DNAH6: variants seen among roughly 807,000 people sequenced by gnomAD.
DNAH6 encodes axonemal beta dynein heavy chain 6.
DNAH6 carries 340 observed loss-of-function variants against 491.4 expected under a neutral mutation model. The ratio of observed to expected loss-of-function variants is 0.69; its 90% CI spans 0.63 to 0.76. The LOEUF (loss-of-function observed/expected upper bound fraction) is 0.76, where lower values mean the gene tolerates loss of function less well. Among genes scored for constraint, DNAH6 ranks in the 30% least tolerant of loss-of-function variants. The probability of loss-of-function intolerance (pLI) is 0.00; values close to 1 mark genes in which losing one functional copy is unlikely to be tolerated. For synonymous variants in DNAH6, 1,603 were observed against 1,686.1 expected, an observed-to-expected ratio of 0.95 and a Z score of 1.21; for missense variants, 4,443 against 4,972.2, an observed-to-expected ratio of 0.89 and a Z score of 3.20.
At chr2:84,507,979 T>C in the DNAH6 span, among the ~76,000 whole-genome samples, 445 of 152,382 alleles carry the variant, frequency 2.9e-3, 7 homozygotes, top group Admixed American at 0.023. Flanking sequence ...CAGTATTTCA[T>C]TGAGGATTTT....
rs1005036109 is a variant in DNAH6 at position 84,653,445 on chromosome 2, G to T, written c.5205G>T (p.Lys1735Asn). ...AGCCTGAGATGTGTATGGTTAGAAAGGTGATACAGTTTTATGAAACTATGC... is the reference window on the plus strand; with the variant it reads ...AGCCTGAGATGTGTATGGTTAGAAATGTGATACAGTTTTATGAAACTATGC... ...NLQPEMCMVRKVIQFYETMLV... is the reference protein window; with the variant it reads ...NLQPEMCMVRNVIQFYETMLV... Residue 1735 changes from lysine (K) to asparagine (N), a missense_variant, in exon 34 of 77, where the codon AAG becomes AAT. Transcript: ENST00000389394. 5.2e-6 allele frequency: 8 copies of T among 1,551,096 alleles called. No homozygotes were observed. The highest frequency in any genetic ancestry group is 2.7e-5 in the African/African-American group (2 of 73,002).
chr2:84,579,211 C>A (rs1682773968), intron 13 of DNAH6, among the ~76,000 whole-genome samples: 1 of 152,196 alleles, frequency 6.6e-6, no homozygotes, highest in Non-Finnish European at 1.5e-5. Flanking sequence ...TAGCGCCCAA[C>A]ATGAAAGGAG....
chr2:84,671,989 C>T (rs554411265), intron 39 of DNAH6, among the ~76,000 whole-genome samples: 68 of 152,344 alleles, frequency 4.5e-4, no homozygotes, highest in African/African-American at 1.6e-3. Flanking sequence ...TGATGTTCCT[C>T]ATTCATGCCT....
intron 64 of DNAH6, among the ~76,000 whole-genome samples, chr2:84,770,380 G>T (rs1231014791): frequency 6.6e-6 from 1 of 152,130 alleles, no homozygotes; most frequent in East Asian, 1.9e-4. Context: ...ATGAATGCCA[G>T]ACATTGGGCT....
chr2:84,783,837 A>G (rs1676931174), intron 65 of DNAH6, among the ~76,000 whole-genome samples: 1 of 152,224 alleles, frequency 6.6e-6, no homozygotes, highest in Admixed American at 6.5e-5. Context: ...AAAAAATAAA[A>G]AGGAGAGTAA....
Position 84,697,599 on chromosome 2 carries a change from GATATAAATAACATCC to G in DNAH6, c.7550_7564del (p.Asp2517_Leu2522delinsVal). The G allele has an allele frequency of 6.4e-7, 1 of 1,551,844 alleles. No individual in the cohort carries two copies. Among genetic ancestry groups the G allele is most frequent in the South Asian group, 1.2e-5 (1 of 84,050 alleles). On this transcript the variant is annotated inframe_deletion, in exon 47 of 77. Transcript: ENST00000389394. ...GATTGTAGTGGAGGAGTTCCTAGAAGATATAAATAACATCCTGAACTCAGGTGAAGTGCCTAATTT... is the reference window on the plus strand; with the variant it reads ...GATTGTAGTGGAGGAGTTCCTAGAAGTGAACTCAGGTGAAGTGCCTAATTT...
At position 84,698,764 on chromosome 2, in the gene DNAH6, T is replaced by C. The variant is rs1376669903; in HGVS notation, c.7678-830T>C. The stretch of plus-strand genomic sequence containing the variant: ...TGTTTCATTGCAGCACTATTCACAA[T>C]AGCAAAGACACGGAACCAACTCAGG... On this transcript the variant is annotated intron_variant, in intron 47 of 76. Coordinates refer to ENST00000389394, the MANE Select transcript of DNAH6 (RefSeq NM_001370.2). Among the ~76,000 whole-genome samples, 3 of 152,104 alleles carry C rather than the reference T, an allele frequency of 2.0e-5. No individual in the cohort carries two copies. The East Asian group carries it at 5.8e-4, about 29-fold the overall frequency.
chr2:84,657,631 A>G (rs1390249703), intron 35 of DNAH6, among the ~76,000 whole-genome samples: 3 of 152,020 alleles, frequency 2.0e-5, no homozygotes, highest in Non-Finnish European at 4.4e-5. Context: ...GTGTATAACA[A>G]AATGATTGAC....
intron 2 of DNAH6, among the ~76,000 whole-genome samples, chr2:84,520,061 G>C (rs561403747): frequency 6.6e-6 from 1 of 151,964 alleles, no homozygotes; most frequent in South Asian, 2.1e-4. Context: ...TGTTTTGCCA[G>C]TATTTCAAAT....
At chr2:84,477,726 G>C in the DNAH6 span, among the ~76,000 whole-genome samples, 2 of 152,140 alleles carry the variant, frequency 1.3e-5, no homozygotes, top group Non-Finnish European at 2.9e-5. Context: ...GAAATTGACT[G>C]GGGAAAGGGG....
the DNAH6 span, among the ~76,000 whole-genome samples, chr2:84,471,482 G>A: frequency 1.2e-4 from 18 of 152,316 alleles, no homozygotes; most frequent in South Asian, 1.2e-3. Context: ...GAATAGGGGC[G>A]ATGATATTCC....
intron 57 of DNAH6, among the ~76,000 whole-genome samples, chr2:84,714,307 A>G (rs978254752): frequency 6.6e-6 from 1 of 152,230 alleles, no homozygotes; most frequent in African/African-American, 2.4e-5. Flanking sequence ...CACTTCTTGA[A>G]TAAGATGGGG....
chr2:84,496,143 T>C, the DNAH6 span, among the ~76,000 whole-genome samples: 1 of 152,226 alleles, frequency 6.6e-6, no homozygotes. Context: ...TCCATCTACA[T>C]GGGACAGATG....
rs1335812417 is a variant in DNAH6 at position 84,583,526 on chromosome 2, T to G, written c.2230-473T>G. On this transcript the variant is annotated intron_variant, in intron 14 of 76. Coordinates refer to ENST00000389394, the MANE Select transcript of DNAH6 (RefSeq NM_001370.2). ...CCGTAACATTATAATACACTCCTTC[T>G]GTGCTGACTATTCAGTTTGATGTTT... Among the ~76,000 whole-genome samples the G allele has an allele frequency of 2.6e-5, 4 of 152,244 alleles. No homozygotes were observed. In the East Asian group the frequency reaches 7.7e-4, roughly 29 times the overall value.
intron 62 of DNAH6, among the ~76,000 whole-genome samples, chr2:84,743,744 C>A (rs1337845053): frequency 1.3e-5 from 2 of 152,168 alleles, no homozygotes; most frequent in Non-Finnish European, 2.9e-5. Flanking sequence ...ATTGCTTGAA[C>A]CTGGGAGGCA....
chr2:84,663,249 G>T (rs147337101), intron 37 of DNAH6, among the ~76,000 whole-genome samples: 3 of 152,198 alleles, frequency 2.0e-5, no homozygotes, highest in Non-Finnish European at 4.4e-5. Context: ...TGACTTTGAC[G>T]AGTTGAGAGA....
At chr2:84,568,410 T>C (rs971306372) in intron 11 of DNAH6, among the ~76,000 whole-genome samples, 3 of 152,174 alleles carry the variant, frequency 2.0e-5, no homozygotes, top group African/African-American at 4.8e-5. Context: ...TGAGATCATG[T>C]CCTTTGCAGT....
intron 14 of DNAH6, among the ~76,000 whole-genome samples, chr2:84,583,208 C>G (rs1683208470): frequency 6.6e-6 from 1 of 152,204 alleles, no homozygotes; most frequent in African/African-American, 2.4e-5. Flanking sequence ...CACCATAGAT[C>G]TGGGTTCTTA....
rs556948220 is a variant in DNAH6 at position 84,575,906 on chromosome 2, G to GT, written c.1925-1350dup. The stretch of plus-strand genomic sequence containing the variant: ...CTCAAAAAAAAAGGAGAAAGAAATC[G>GT]TATTTCTCAACTATCGGCTTTAATC... On this transcript the variant is annotated intron_variant, in intron 12 of 76. Transcript: ENST00000389394. Among the ~76,000 whole-genome samples, 8 of 152,214 alleles carry GT rather than the reference G, an allele frequency of 5.3e-5. No individual in the cohort carries two copies. The South Asian group carries it at 1.5e-3, about 28-fold the overall frequency.
Sources: gnomAD v4.1 joint callset for allele counts (sites outside exome capture counted in the v4.1 genomes callset) on GRCh38, gnomAD v4.1.1 for gene constraint, MANE v1.5 for transcripts, NCBI Gene and HGNC (gene_info 2026-07-23, HGNC 2026-07-21) for gene names.